The following WDR11 variants were observed in gnomAD, a reference collection of about 807,000 sequenced individuals.
WDR11 encodes WD repeat domain 11, also known as WD repeat-containing protein 11.
In WDR11, 83 loss-of-function variants were observed where a neutral mutation model predicts 151.2. The ratio of observed to expected loss-of-function variants is 0.55; its 90% CI spans 0.46 to 0.66. The LOEUF is 0.66. WDR11 is among the 30% of genes least tolerant of loss of function. The pLI is 0.00. For missense variants in WDR11, 1,301 were observed against 1,480.9 expected, an observed-to-expected ratio of 0.88 and a Z score of 1.99; for synonymous variants, 484 against 533.1, an observed-to-expected ratio of 0.91 and a Z score of 1.27.
chr10:120,896,846 T>C lies in WDR11; in HGVS notation c.2516-3183T>C, dbSNP rs114156013. ...GTAAAAAATCATGACTTCTTGAACA[T>C]GTATGTTCCCTGGCTCTGCTCACAG... On this transcript the variant is annotated intron_variant, in intron 19 of 28. Transcript: ENST00000263461. 9.6e-3 allele frequency among the ~76,000 whole-genome samples: 1,461 copies of C among 152,268 alleles called. 22 individuals are homozygous for C. The highest frequency in any genetic ancestry group is 0.033 in the African/African-American group (1,390 of 41,552).
At chr10:120,852,676 C>G (rs772473787) in intron 2 of WDR11, 41 bp downstream of exon 2, 2 of 1,532,116 alleles carry the variant, frequency 1.3e-6, no homozygotes, top group Non-Finnish European at 1.8e-6. Flanking sequence ...GTTGTCTAGT[C>G]TAAAGTTTAA....
chr10:120,892,547 A>G (rs141118298), intron 19 of WDR11, among the ~76,000 whole-genome samples: 27 of 152,310 alleles, frequency 1.8e-4, no homozygotes, highest in Non-Finnish European at 3.4e-4. Context: ...AAAAAGTTTG[A>G]GGTAGTATAT....
chr10:120,863,336 G>A (rs1480562533), intron 5 of WDR11, among the ~76,000 whole-genome samples: 2 of 152,172 alleles, frequency 1.3e-5, no homozygotes, highest in Non-Finnish European at 2.9e-5. Flanking sequence ...TCTTATGCAG[G>A]TGAAGATGTC....
At chr10:120,907,845 T>C (rs1244574668) in intron 28 of WDR11, 1 of 150,634 alleles carries the variant, frequency 6.6e-6, no homozygotes, top group Non-Finnish European at 1.5e-5. Flanking sequence ...GGTCTCACTA[T>C]GTTGCCCAGG....
intron 11 of WDR11, 101 bp from the exon 12 acceptor site, chr10:120,878,252 G>A (rs1285153057): frequency 3.5e-6 from 3 of 850,450 alleles, no homozygotes; most frequent in Non-Finnish European, 5.7e-6. Flanking sequence ...ATTAATTTGT[G>A]TAATAAAATT....
chr10:120,856,983 T>G (rs1845969895), intron 2 of WDR11, among the ~76,000 whole-genome samples: 1 of 152,170 alleles, frequency 6.6e-6, no homozygotes, highest in Non-Finnish European at 1.5e-5. Context: ...TAACCTTGCT[T>G]TATATGTGTT....
chr10:120,899,089 G>A (rs184027754), intron 19 of WDR11, among the ~76,000 whole-genome samples: 149 of 152,240 alleles, frequency 9.8e-4, no homozygotes, highest in African/African-American at 3.4e-3. Flanking sequence ...GAGCTGCTGG[G>A]CATTGCAGCC....
chr10:120,895,017 T>TA (rs1214158224), intron 19 of WDR11, among the ~76,000 whole-genome samples: 2 of 152,216 alleles, frequency 1.3e-5, no homozygotes, highest in African/African-American at 4.8e-5. Context: ...ATATTTGTTT[T>TA]AAAAAATAAG....
At chr10:120,852,246 A>G in intron 1 of WDR11, 1 of 406,006 alleles carries the variant, frequency 2.5e-6, no homozygotes, top group South Asian at 2.3e-5. Context: ...CTACAAGAAC[A>G]GTCAGAGGGC....
rs1235227181 is a variant in WDR11 at position 120,906,102 on chromosome 10, TG to T, written c.3437+83del. The T allele has an allele frequency of 1.5e-5, 24 of 1,610,198 alleles. No homozygotes were observed. The African/African-American group carries it at 2.5e-4, about 17-fold the overall frequency. On this transcript the variant is annotated intron_variant, in intron 27 of 28. Transcript: ENST00000263461. ...GTTCTCTCGCGGTTCTAGCAGGTCA[TG>T]GTACTCGATGTGTAAAGTGAAAGGA...
intron 10 of WDR11, 58 bp downstream of exon 10, chr10:120,871,404 T>C (rs928099105): frequency 1.3e-6 from 2 of 1,527,308 alleles, no homozygotes; most frequent in South Asian, 1.2e-5. Flanking sequence ...GTTTAGGTTT[T>C]CTAGTTTCTA....
At chr10:120,903,903 G>A in intron 23 of WDR11, 144 bp from the exon 24 acceptor site, 3 of 611,078 alleles carry the variant, frequency 4.9e-6, no homozygotes, top group Non-Finnish European at 8.6e-6. Context: ...CTTATTAAAT[G>A]TTTGGGGTGC....
chr10:120,865,489 A>C, intron 6 of WDR11, 141 bp from the exon 7 acceptor site: 1 of 687,616 alleles, frequency 1.5e-6, no homozygotes, highest in Non-Finnish European at 2.4e-6. Context: ...GATATTTTAA[A>C]TGTACATTTA....
intron 9 of WDR11, among the ~76,000 whole-genome samples, chr10:120,870,730 T>C (rs1283561041): frequency 6.6e-6 from 1 of 152,206 alleles, no homozygotes; most frequent in Non-Finnish European, 1.5e-5. Context: ...GAATACCAAT[T>C]TTGTATGTAC....
At position 120,900,130 on chromosome 10, in the gene WDR11, T is replaced by C. The variant is rs1207890915; in HGVS notation, c.2617T>C (p.Ser873Pro). The C allele has an allele frequency of 6.2e-7, 1 of 1,611,600 alleles. No individual in the cohort carries two copies. The highest frequency in any genetic ancestry group is 8.5e-7 in the Non-Finnish European group (1 of 1,177,812). The change falls in exon 20 of 29, where the codon TCT becomes CCT. Residue 873 changes from serine (S) to proline (P), a missense_variant. Ser to Pro is a moderately conservative substitution (Grantham distance 74). Transcript: ENST00000263461. ...PWNGQYSLDI[S>P]HVDYPENEEI... is the part of the protein sequence containing the mutation. ...GAATGGACAGTATTCTTTGGACATT[T>C]CTCATGTGTAAGTTTTTCACTTTTC...
At chr10:120,881,330 G>T (rs1165458126) in intron 13 of WDR11, among the ~76,000 whole-genome samples, 1 of 152,118 alleles carries the variant, frequency 6.6e-6, no homozygotes, top group Non-Finnish European at 1.5e-5. Context: ...CAAAGAAAGA[G>T]TAAGCTTTCT....
chr10:120,877,905 A>G (rs954164384), intron 11 of WDR11, among the ~76,000 whole-genome samples: 9 of 152,230 alleles, frequency 5.9e-5, no homozygotes, highest in African/African-American at 2.2e-4. Context: ...TATCTGTTGA[A>G]TATCTTCTCT....
At chr10:120,907,784 A>C (rs1469289808) in intron 28 of WDR11, 1 of 148,644 alleles carries the variant, frequency 6.7e-6, no homozygotes, top group Non-Finnish European at 1.5e-5. Flanking sequence ...AGCTGGGACC[A>C]TAGGTCCACA....
intron 11 of WDR11, among the ~76,000 whole-genome samples, chr10:120,876,975 A>C (rs1466187772): frequency 6.6e-6 from 1 of 152,230 alleles, no homozygotes; most frequent in Admixed American, 6.5e-5. Context: ...GGTTAGTAGG[A>C]ATCATGTTGG....
Sources: allele counts gnomAD v4.1 joint callset (sites outside exome capture counted in the v4.1 genomes callset), GRCh38; gene constraint gnomAD v4.1.1; transcripts MANE v1.5; gene names NCBI Gene and HGNC (gene_info 2026-07-23, HGNC 2026-07-21).